The following KLHDC1 variants were observed in gnomAD, a reference collection of about 807,000 sequenced individuals.
KLHDC1 encodes the protein kelch domain-containing protein 1.
A neutral mutation model predicts 68.3 loss-of-function variants in KLHDC1; 53 were observed. The ratio of observed to expected loss-of-function variants is 0.78; its 90% CI spans 0.62 to 0.98. KLHDC1 has a LOEUF of 0.98. Ranked by LOEUF, KLHDC1 falls within the 50% of genes least tolerant of loss-of-function variation. The pLI is 0.00. For missense variants in KLHDC1, 470 were observed against 492.3 expected (o/e 0.95, Z 0.43); for synonymous variants, 148 against 159.0 (o/e 0.93, Z 0.52).
intron 12 of KLHDC1, among the ~76,000 whole-genome samples, chr14:49,746,568 A>G (rs376749052): frequency 3.3e-5 from 5 of 152,194 alleles, no homozygotes; most frequent in African/African-American, 1.2e-4. Context: ...GATAGTACAT[A>G]TTTTCCCTCA....
intron 4 of KLHDC1, among the ~76,000 whole-genome samples, chr14:49,713,821 TATATA>T (rs1888281204): frequency 3.2e-4 from 1 of 3,160 alleles, no homozygotes; most frequent in African/African-American, 5.2e-4. Context: ...TATATATATA[TATATA>T]TATATATATA....
intron 6 of KLHDC1, among the ~76,000 whole-genome samples, chr14:49,728,037 C>A (rs1888714543): frequency 6.6e-6 from 1 of 152,112 alleles, no homozygotes; most frequent in Admixed American, 6.5e-5. Flanking sequence ...TAAAAACCTC[C>A]CTAGGGTGGC....
intron 4 of KLHDC1, among the ~76,000 whole-genome samples, chr14:49,720,117 GCTGGGATTAC>G (rs1212094359): frequency 1.3e-5 from 2 of 152,186 alleles, no homozygotes; most frequent in Non-Finnish European, 1.5e-5. Flanking sequence ...CTCCTGTGTA[GCTGGGATTAC>G]AGGCATGCGC....
intron 10 of KLHDC1, among the ~76,000 whole-genome samples, chr14:49,734,989 A>G (rs1037954815): frequency 6.6e-6 from 1 of 152,060 alleles, no homozygotes; most frequent in Non-Finnish European, 1.5e-5. Context: ...AATTTTAATA[A>G]GCAGACAAAA....
intron 4 of KLHDC1, among the ~76,000 whole-genome samples, chr14:49,723,594 A>C (rs1184154894): frequency 6.6e-6 from 1 of 152,288 alleles, no homozygotes; most frequent in African/African-American, 2.4e-5. Flanking sequence ...TAGCTGTTAA[A>C]AATTTGGGTA....
rs1555339251 is a variant in KLHDC1, at chr14:49,715,765, AAT to A, written c.404+5400_404+5401del. Among the ~76,000 whole-genome samples, 12 of 51,396 alleles carry A rather than the reference AAT, an allele frequency of 2.3e-4. No individual in the cohort carries two copies. In the East Asian group the frequency reaches 4.3e-3, roughly 18 times the overall value. The allele number at this position is 51,396 out of a possible 152,430, so 33.7% of individuals were successfully genotyped here. On this transcript the variant is annotated intron_variant, in intron 4 of 12. Transcript: ENST00000359332. ...AAAAAAAAAAAAAAAAAAAAAAAAA[AAT>A]ATATATATATATATAATAAAAGATA...
chr14:49,748,453 G>A (rs1189148819), intron 12 of KLHDC1, among the ~76,000 whole-genome samples: 1 of 152,084 alleles, frequency 6.6e-6, no homozygotes, highest in African/African-American at 2.4e-5. Context: ...TACAGCTGGT[G>A]TTCCAAAAAG....
chr14:49,715,416 C>T lies in KLHDC1; in HGVS notation c.404+5035C>T, dbSNP rs766190606. ...GATTACAGATGTGAGCCACCGTGCCCGGCCTACTTTATTATATTAAGTACA... is the reference window on the plus strand; with the variant it reads ...GATTACAGATGTGAGCCACCGTGCCTGGCCTACTTTATTATATTAAGTACA... On this transcript the variant is annotated intron_variant, in intron 4 of 12. Coordinates refer to ENST00000359332, the MANE Select transcript of KLHDC1 (RefSeq NM_172193.3). Among the ~76,000 whole-genome samples the T allele has an allele frequency of 5.3e-5, 8 of 151,454 alleles. No homozygotes were observed. The East Asian group carries it at 9.7e-4, about 18-fold the overall frequency.
rs1555337323 is a variant in KLHDC1, at chr14:49,693,748, C to CTTTTTCTTTTTTTTTTTTTTTTTTT, written c.96+463_96+464insCTTTTTTTTTTTTTTTTTTTTTTTT. On this transcript the variant is annotated intron_variant, in intron 1 of 12. Coordinates refer to ENST00000359332, the MANE Select transcript of KLHDC1 (RefSeq NM_172193.3). ...TAAATATTTATTTTCTTTTCTTTTT[C>CTTTTTCTTTTTTTTTTTTTTTTTTT]TTTTTTTTTTTTTTTTGAGATGGAG... Among the ~76,000 whole-genome samples, 9 of 61,562 alleles carry CTTTTTCTTTTTTTTTTTTTTTTTTT rather than the reference C, an allele frequency of 1.5e-4. 1 individual carries two copies. The highest frequency in any genetic ancestry group is 4.9e-4 in the African/African-American group (9 of 18,478). 40.4% of individuals were successfully genotyped at this position (61,562 alleles called of 152,430 possible).
intron 5 of KLHDC1, among the ~76,000 whole-genome samples, chr14:49,724,431 A>G (rs1378765078): frequency 6.6e-6 from 1 of 152,162 alleles, no homozygotes; most frequent in African/African-American, 2.4e-5. Context: ...AATTACAAAA[A>G]TGAAATTTTT....
chr14:49,694,596 G>A lies in KLHDC1; in HGVS notation c.96+1306G>A, dbSNP rs1239516909. On this transcript the variant is annotated intron_variant, in intron 1 of 12. Transcript: ENST00000359332. ...TGGCTGGGCGCGGTGGCTCACACCC[G>A]TAATCCCAGCACTTTGGGAGGCTGA... is the stretch of plus-strand genomic sequence containing the variant. Among the ~76,000 whole-genome samples the A allele has an allele frequency of 3.9e-5, 6 of 152,246 alleles. No homozygotes were observed. The East Asian group carries it at 9.6e-4, about 24-fold the overall frequency.
chr14:49,730,645 A>G (rs1888783322), intron 8 of KLHDC1, among the ~76,000 whole-genome samples: 1 of 152,218 alleles, frequency 6.6e-6, no homozygotes, highest in Non-Finnish European at 1.5e-5. Context: ...AACAACTCAC[A>G]GAAGAAATAA....
At position 49,693,239 on chromosome 14, in the gene KLHDC1, C is replaced by T; in HGVS notation, c.45C>T (p.Gly15=). 1 of 1,573,438 alleles carries T rather than the reference C, an allele frequency of 6.4e-7. No individual in the cohort carries two copies. The highest frequency in any genetic ancestry group is 2.6e-5 in the East Asian group (1 of 38,854). The change falls in exon 1 of 13, where the codon GGC becomes GGT. Residue 15 remains glycine (G), a synonymous_variant. Transcript: ENST00000359332. ...TCTGTGTGGCGGAGGAACGCAGCGG[C>T]CACTGCGCCGTGGTGGACGGAAACT... is the stretch of plus-strand genomic sequence containing the variant. ...QLFCVAEERS[G]HCAVVDGNFL... is the part of the protein sequence containing the mutation.
At position 49,732,747 on chromosome 14, in the gene KLHDC1, A is replaced by AG; in HGVS notation, c.754_755insG (p.Thr252SerfsTer7). 1.2e-6 allele frequency: 2 copies of AG among 1,610,432 alleles called. No individual in the cohort carries two copies. The highest frequency in any genetic ancestry group is 1.7e-6 in the Non-Finnish European group (2 of 1,176,908). On this transcript the variant is annotated frameshift_variant, in exon 9 of 13. Transcript: ENST00000359332. LOFTEE classifies it high-confidence loss of function. ...AAGCCCAAAACATCGGTCATGGCAT[A>AG]CTTTAACACCTATAGCTGATGATAA... is the stretch of plus-strand genomic sequence containing the variant.
intron 4 of KLHDC1, among the ~76,000 whole-genome samples, chr14:49,710,646 A>G (rs192542925): frequency 4.2e-4 from 64 of 152,262 alleles, no homozygotes; most frequent in African/African-American, 1.0e-3. Context: ...TCTCTGAACA[A>G]TATCTATCAT....
chr14:49,693,374 C>G, intron 1 of KLHDC1, 84 bp downstream of exon 1: 1 of 1,041,110 alleles, frequency 9.6e-7, no homozygotes, highest in African/African-American at 1.7e-5. Flanking sequence ...CACCCGCTCC[C>G]GAGGCTGCGG....
At chr14:49,724,720 T>C (rs1888621307) in intron 5 of KLHDC1, among the ~76,000 whole-genome samples, 1 of 152,150 alleles carries the variant, frequency 6.6e-6, no homozygotes, top group Non-Finnish European at 1.5e-5. Context: ...AACTTCTATT[T>C]ATATCTAGTT....
At position 49,752,930 on chromosome 14, in the gene KLHDC1, A is replaced by G. The variant is rs970772499; in HGVS notation, c.*1158A>G. On this transcript the variant is annotated 3_prime_UTR_variant, in exon 13 of 13. Coordinates refer to ENST00000359332, the MANE Select transcript of KLHDC1 (RefSeq NM_172193.3). The stretch of plus-strand genomic sequence containing the variant: ...TAAAATGTTAAAGAAAAACATTTCT[A>G]TATTGAAATATATATAATTTATAAT... 1.3e-5 allele frequency: 2 copies of G among 152,054 alleles called. No individual in the cohort carries two copies. The highest frequency in any genetic ancestry group is 1.9e-4 in the East Asian group (1 of 5,204). The allele number at this position is 152,054 out of a possible 1,614,324, so 9.4% of individuals were successfully genotyped here. A position where few individuals can be genotyped will look rare whatever the true frequency, so the allele number is the denominator to read the frequency against.
intron 1 of KLHDC1, among the ~76,000 whole-genome samples, chr14:49,703,739 G>A (rs1887970268): frequency 6.6e-6 from 1 of 152,134 alleles, no homozygotes; most frequent in Admixed American, 6.6e-5. Flanking sequence ...ATTCTGATTG[G>A]TCAATGCCTG....
Sources: allele counts gnomAD v4.1 joint callset (sites outside exome capture counted in the v4.1 genomes callset), GRCh38; gene constraint gnomAD v4.1.1; transcripts MANE v1.5; gene names NCBI Gene and HGNC (gene_info 2026-07-23, HGNC 2026-07-21).